Variants in ANGPT1 observed in about 807,000 individuals in gnomAD.
ANGPT1 encodes the protein angiopoietin-1.
Under a neutral mutation model 62.2 loss-of-function variants are expected in ANGPT1, and 17 were observed. The ratio of observed to expected loss-of-function variants is 0.27; its 90% CI spans 0.19 to 0.41. The LOEUF is 0.41. Among genes scored for constraint, ANGPT1 ranks in the 10% least tolerant of loss-of-function variants. ANGPT1 has a pLI of 1.00. For missense variants in ANGPT1, 478 were observed against 594.9 expected, an observed-to-expected ratio of 0.80 and a Z score of 2.04; for synonymous variants, 199 against 198.9, an observed-to-expected ratio of 1.00 and a Z score of 0.00.
At chr8:107,352,477 G>A (rs141456622) in intron 1 of ANGPT1, among the ~76,000 whole-genome samples, 2 of 152,284 alleles carry the variant, frequency 1.3e-5, no homozygotes, top group African/African-American at 2.4e-5. Context: ...TCCATCATGA[G>A]AGAGAATTTT....
chr8:107,268,017 T>C (rs1004345459), intron 7 of ANGPT1, among the ~76,000 whole-genome samples: 13 of 152,106 alleles, frequency 8.5e-5, no homozygotes, highest in African/African-American at 3.1e-4. Context: ...AGCATCTTCA[T>C]GATGACACTT....
At chr8:107,469,698 C>T (rs1812294551) in intron 1 of ANGPT1, among the ~76,000 whole-genome samples, 1 of 151,942 alleles carries the variant, frequency 6.6e-6, no homozygotes, top group South Asian at 2.1e-4. Context: ...CTTAAATTGG[C>T]CAAAATCTCA....
chr8:107,491,824 C>T (rs2130542685), intron 1 of ANGPT1, among the ~76,000 whole-genome samples: 1 of 152,194 alleles, frequency 6.6e-6, no homozygotes, highest in African/African-American at 2.4e-5. Flanking sequence ...CATTCTTATT[C>T]ATTTAAATTA....
At chr8:107,365,566 TG>T (rs1816254834) in intron 1 of ANGPT1, among the ~76,000 whole-genome samples, 1 of 152,244 alleles carries the variant, frequency 6.6e-6, no homozygotes, top group South Asian at 2.1e-4. Context: ...TATCCTCATC[TG>T]GGGCATGTCT....
chr8:107,288,897 G>C (rs377675729), intron 6 of ANGPT1, among the ~76,000 whole-genome samples: 7 of 151,974 alleles, frequency 4.6e-5, no homozygotes, highest in African/African-American at 1.5e-4. Flanking sequence ...GTTTACCACA[G>C]GTCTTTATTT....
intron 1 of ANGPT1, among the ~76,000 whole-genome samples, chr8:107,386,233 G>T (rs909894475): frequency 1.3e-5 from 2 of 151,988 alleles, no homozygotes; most frequent in South Asian, 2.1e-4. Flanking sequence ...AGACAAGAGG[G>T]CCCATTTGAG....
At chr8:107,282,053 C>T (rs1586184727) in intron 7 of ANGPT1, among the ~76,000 whole-genome samples, 2 of 151,300 alleles carry the variant, frequency 1.3e-5, no homozygotes, top group South Asian at 4.2e-4. Flanking sequence ...ATGATACAGG[C>T]AGGGAGAAAA....
chr8:107,388,012 T>C lies in ANGPT1; in HGVS notation c.298-40915A>G, dbSNP rs369842598. On this transcript the variant is annotated intron_variant, in intron 1 of 8. Transcript: ENST00000517746. ...AGAGTATGAATAAGTTAGACAATAA[T>C]TGCCAGTAATCTATATTAATTGTTT... is the stretch of plus-strand genomic sequence containing the variant. Among the ~76,000 whole-genome samples the C allele has an allele frequency of 2.2e-3, 333 of 148,200 alleles. 2 individuals are homozygous for C. The highest frequency in any genetic ancestry group is 7.9e-3 in the African/African-American group (323 of 41,112).
intron 1 of ANGPT1, among the ~76,000 whole-genome samples, chr8:107,392,253 C>T (rs149511142): frequency 6.6e-6 from 1 of 152,062 alleles, no homozygotes; most frequent in African/African-American, 2.4e-5. Flanking sequence ...AGTTATGTGT[C>T]ATATTGCAAT....
At chr8:107,471,738 T>A (rs1812364273) in intron 1 of ANGPT1, among the ~76,000 whole-genome samples, 1 of 152,104 alleles carries the variant, frequency 6.6e-6, no homozygotes, top group Non-Finnish European at 1.5e-5. Flanking sequence ...TTAGCTTAGC[T>A]ATTCTCAGAT....
chr8:107,463,562 A>C (rs1271343108), intron 1 of ANGPT1, among the ~76,000 whole-genome samples: 2 of 152,160 alleles, frequency 1.3e-5, no homozygotes, highest in Admixed American at 1.3e-4. Flanking sequence ...GTAACACAAC[A>C]GTCTGTGAGT....
intron 7 of ANGPT1, among the ~76,000 whole-genome samples, chr8:107,280,703 G>A (rs1479547653): frequency 6.6e-6 from 1 of 152,164 alleles, no homozygotes; most frequent in East Asian, 1.9e-4. Flanking sequence ...TAGGGAGAGT[G>A]TATGGCAGCA....
chr8:107,291,911 C>A, intron 6 of ANGPT1, among the ~76,000 whole-genome samples: 1 of 147,384 alleles, frequency 6.8e-6, no homozygotes, highest in Admixed American at 6.8e-5. Flanking sequence ...GGGGGGCTTG[C>A]CACTTAATAG....
intron 1 of ANGPT1, among the ~76,000 whole-genome samples, chr8:107,413,643 G>A (rs1473455598): frequency 2.0e-5 from 3 of 149,500 alleles, no homozygotes; most frequent in East Asian, 3.9e-4. Context: ...AATATTTAAT[G>A]TTGAAATATT....
chr8:107,381,982 G>C (rs972231084), intron 1 of ANGPT1, among the ~76,000 whole-genome samples: 3 of 152,132 alleles, frequency 2.0e-5, no homozygotes, highest in Non-Finnish European at 4.4e-5. Flanking sequence ...ACATGCAGGA[G>C]TCTTGGCAAG....
intron 1 of ANGPT1, among the ~76,000 whole-genome samples, chr8:107,379,603 G>A (rs1348578795): frequency 6.6e-6 from 1 of 151,668 alleles, no homozygotes; most frequent in Admixed American, 6.6e-5. Flanking sequence ...TAAAGATATT[G>A]ACACTAAACC....
At chr8:107,289,389 G>A (rs1814219964) in intron 6 of ANGPT1, among the ~76,000 whole-genome samples, 1 of 152,080 alleles carries the variant, frequency 6.6e-6, no homozygotes, top group South Asian at 2.1e-4. Context: ...AATGCTCTCA[G>A]GAAGCGTTGA....
At position 107,299,391 on chromosome 8, in the gene ANGPT1, G is replaced by GTATATATATATA. The variant is rs59247214; in HGVS notation, c.936+3837_936+3848dup. Among the ~76,000 whole-genome samples, 384 of 112,546 alleles carry GTATATATATATA rather than the reference G, an allele frequency of 3.4e-3. 3 individuals are homozygous for GTATATATATATA. Among genetic ancestry groups the GTATATATATATA allele is most frequent in the South Asian group, 0.026 (84 of 3,254 alleles). 73.8% of individuals were successfully genotyped at this position (112,546 alleles called of 152,430 possible). On this transcript the variant is annotated intron_variant, in intron 5 of 8. Transcript: ENST00000517746. ...TGTTGAAAAGAGTAAATGAAGGAGT[G>GTATATATATATA]TATATATATATATATATATATATAT...
chr8:107,490,316 C>T (rs1332403788), intron 1 of ANGPT1, among the ~76,000 whole-genome samples: 1 of 152,208 alleles, frequency 6.6e-6, no homozygotes, highest in Admixed American at 6.5e-5. Flanking sequence ...GATCCTGTAG[C>T]CCAGACTTGT....
Sources: gnomAD v4.1 joint callset for allele counts (sites outside exome capture counted in the v4.1 genomes callset) on GRCh38, gnomAD v4.1.1 for gene constraint, MANE v1.5 for transcripts, NCBI Gene and HGNC (gene_info 2026-07-23, HGNC 2026-07-21) for gene names.